The following CHCHD4 variants were observed in gnomAD, a reference collection of about 807,000 sequenced individuals.
CHCHD4 encodes the protein coiled-coil-helix-coiled-coil-helix domain containing 4.
In CHCHD4, 7 loss-of-function variants were observed where a neutral mutation model predicts 12.4. The observed-to-expected ratio is 0.57, with a 90% CI of 0.32 to 1.06. The LOEUF (loss-of-function observed/expected upper bound fraction) is 1.06. Ranked by LOEUF, CHCHD4 falls within the 50% of genes least tolerant of loss-of-function variation. CHCHD4 has a pLI of 0.04. For synonymous variants in CHCHD4, 56 were observed against 58.0 expected (o/e 0.97, Z 0.16); for missense variants, 143 against 175.1 (o/e 0.82, Z 1.03).
In CHCHD4 at chr3:14,116,540, C is replaced by G; in HGVS notation, c.23-16G>C. On this transcript the variant is annotated splice_polypyrimidine_tract_variant and intron_variant, in intron 1 of 2. Transcript: ENST00000396914. ...CGATCCTTCCCTAGTGTTTGGAGAA[C>G]AGAGGAAGAAATATTTCATTCAAGA... 1 of 1,559,774 alleles carries G rather than the reference C, an allele frequency of 6.4e-7. No homozygotes were observed. Among genetic ancestry groups the G allele is most frequent in the Non-Finnish European group, 8.9e-7 (1 of 1,129,932 alleles).
rs761678736 is a variant in CHCHD4 at position 14,112,899 on chromosome 3, C to T, written c.417G>A (p.Glu139=). ...CTTGTGGCCTTCATTAACTTGATCC[C>T]TCCTCTTCTTTGGTTGCAGTGGCCT... is the stretch of plus-strand genomic sequence containing the variant. ...PIEATATKEE[E]GSS Residue 139 remains glutamate (E), a synonymous_variant, in exon 3 of 3, where the codon GAG becomes GAA. Transcript: ENST00000396914. The T allele has an allele frequency of 1.2e-6, 2 of 1,612,072 alleles. No individual in the cohort carries two copies. The highest frequency in any genetic ancestry group is 2.2e-5 in the East Asian group (1 of 44,828).
In CHCHD4 at chr3:14,124,841, C is replaced by A. The variant is rs1256914608; in HGVS notation, c.-165G>T. On this transcript the variant is annotated 5_prime_UTR_variant, in exon 1 of 3. Transcript: ENST00000396914. The stretch of plus-strand genomic sequence containing the variant: ...CGCGCCTGCCTCGGCGCCCTCGCAA[C>A]CGCGGCCAGGCCAACCTCAGCCGGA... 1 of 812,236 alleles carries A rather than the reference C, an allele frequency of 1.2e-6. No individual in the cohort carries two copies. The highest frequency in any genetic ancestry group is 1.8e-5 in the South Asian group (1 of 55,414). 50.3% of individuals were successfully genotyped at this position (812,236 alleles called of 1,614,324 possible). A position where few individuals can be genotyped will look rare whatever the true frequency, so the allele number is the denominator to read the frequency against.
chr3:14,116,194 C>G (rs1041890667), intron 2 of CHCHD4, among the ~76,000 whole-genome samples: 2 of 152,208 alleles, frequency 1.3e-5, no homozygotes, highest in African/African-American at 4.8e-5. Flanking sequence ...TACTAATACC[C>G]TCTCCCAAAA....
At chr3:14,114,294 G>GCAGACC (rs1346274788) in intron 2 of CHCHD4, among the ~76,000 whole-genome samples, 2 of 152,060 alleles carry the variant, frequency 1.3e-5, no homozygotes, top group Admixed American at 6.6e-5. Flanking sequence ...CTTAGCAGGC[G>GCAGACC]CAGACCCCCA....
In CHCHD4 at chr3:14,116,536, A is replaced by T. The variant is rs776896327; in HGVS notation, c.23-12T>A. 24 of 1,570,126 alleles carry T rather than the reference A, an allele frequency of 1.5e-5. No homozygotes were observed. Among genetic ancestry groups the T allele is most frequent in the Middle Eastern group, 1.7e-4 (1 of 6,022 alleles). On this transcript the variant is annotated splice_polypyrimidine_tract_variant and intron_variant, in intron 1 of 2. Transcript: ENST00000396914. ...GATTCGATCCTTCCCTAGTGTTTGG[A>T]GAACAGAGGAAGAAATATTTCATTC...
chr3:14,121,013 G>C (rs113550284), intron 1 of CHCHD4, among the ~76,000 whole-genome samples: 4,870 of 152,186 alleles, frequency 0.032, 267 homozygotes, highest in African/African-American at 0.11. Context: ...GAGGCAGACT[G>C]GTGTGTCTGT....
intron 2 of CHCHD4, among the ~76,000 whole-genome samples, chr3:14,114,003 C>T (rs1287990248): frequency 6.6e-6 from 1 of 152,138 alleles, no homozygotes; most frequent in Non-Finnish European, 1.5e-5. Flanking sequence ...TTTGTGAAGA[C>T]ATGATTCATA....
intron 1 of CHCHD4, among the ~76,000 whole-genome samples, chr3:14,120,319 C>T (rs1694919804): frequency 1.3e-5 from 2 of 152,278 alleles, no homozygotes; most frequent in South Asian, 2.1e-4. Flanking sequence ...TCTTCAAATA[C>T]ATCCAGAAAG....
chr3:14,122,120 C>T (rs761008264), intron 1 of CHCHD4: 18 of 1,538,540 alleles, frequency 1.2e-5, no homozygotes, highest in African/African-American at 5.5e-5. Context: ...AAGTAGTGTT[C>T]GCTCACACGT....
At chr3:14,118,108 T>C (rs549785283) in intron 1 of CHCHD4, among the ~76,000 whole-genome samples, 4 of 152,354 alleles carry the variant, frequency 2.6e-5, no homozygotes, top group Admixed American at 1.3e-4. Context: ...CAACTGACCA[T>C]GCATTCTGAT....
intron 1 of CHCHD4, among the ~76,000 whole-genome samples, chr3:14,121,009 G>C (rs1043657496): frequency 1.3e-5 from 2 of 152,202 alleles, no homozygotes; most frequent in East Asian, 3.9e-4. Context: ...CTGGGAGGCA[G>C]ACTGGTGTGT....
intron 1 of CHCHD4, among the ~76,000 whole-genome samples, chr3:14,120,257 A>G (rs552595108): frequency 2.2e-4 from 33 of 152,032 alleles, no homozygotes; most frequent in African/African-American, 7.5e-4. Flanking sequence ...CGGTAGAGCC[A>G]CCCCAACCCG....
At chr3:14,122,756 AAAAT>A (rs972395836) in intron 1 of CHCHD4, among the ~76,000 whole-genome samples, 1 of 152,238 alleles carries the variant, frequency 6.6e-6, no homozygotes, top group African/African-American at 2.4e-5. Context: ...AAGATGGCAA[AAAAT>A]AAAAAAGGTC....
chr3:14,116,861 G>A (rs901211441), intron 1 of CHCHD4, among the ~76,000 whole-genome samples: 1 of 152,248 alleles, frequency 6.6e-6, no homozygotes, highest in Non-Finnish European at 1.5e-5. Flanking sequence ...AGCCCACATA[G>A]CTGATGCGGC....
In CHCHD4 at chr3:14,112,510, G is replaced by A. The variant is rs1483366119; in HGVS notation, c.*377C>T. 5.7e-6 allele frequency: 1 copy of A among 175,322 alleles called. No homozygotes were observed. The highest frequency in any genetic ancestry group is 1.5e-4 in the East Asian group (1 of 6,558). The allele number at this position is 175,322 out of a possible 1,614,324, so 10.9% of individuals were successfully genotyped here. A position where few individuals can be genotyped will look rare whatever the true frequency, so the allele number is the denominator to read the frequency against. On this transcript the variant is annotated 3_prime_UTR_variant, in exon 3 of 3. Coordinates refer to ENST00000396914, the MANE Select transcript of CHCHD4 (RefSeq NM_001098502.2). ...TGTTTTTGTTGTATTATTTCCCCAA[G>A]GGGTATAAAATCTACCAAAAGGAAT... is the stretch of plus-strand genomic sequence containing the variant.
In CHCHD4 at chr3:14,116,461, A is replaced by T; in HGVS notation, c.86T>A (p.Val29Glu). Residue 29 changes from valine (V) to glutamate (E), a missense_variant, in exon 2 of 3, where the codon GTG becomes GAG. Physicochemically the swap from Val to Glu is moderately radical, Grantham distance 121. Coordinates refer to ENST00000396914, the MANE Select transcript of CHCHD4 (RefSeq NM_001098502.2). ...GTATGGATCGTTGGGGTCATCAGCC[A>T]CCAATTCTGCACTGCTTGGAGTTTC... ...DHETPSSAEL[V>E]ADDPNDPYEE... 3 of 1,613,660 alleles carry T rather than the reference A, an allele frequency of 1.9e-6. No homozygotes were observed. Among genetic ancestry groups the T allele is most frequent in the Non-Finnish European group, 2.5e-6 (3 of 1,179,546 alleles).
Position 14,124,653 on chromosome 3 carries a change from A to G in CHCHD4, c.22+2T>C, listed in dbSNP as rs890144823. 3.3e-6 allele frequency: 5 copies of G among 1,519,624 alleles called. No homozygotes were observed. The highest frequency in any genetic ancestry group is 1.4e-5 in the African/African-American group (1 of 69,022). The allele number at this position is 1,519,624 out of a possible 1,614,324, so 94.1% of individuals were successfully genotyped here. On this transcript the variant is annotated splice_donor_variant, in intron 1 of 2. Transcript: ENST00000396914. LOFTEE classifies it high-confidence loss of function. ...GTCTCCGTGGCAGCCCGCCCTCCCTACCTTCCTGCCGGCAATAGGACATGG... is the reference window on the plus strand; with the variant it reads ...GTCTCCGTGGCAGCCCGCCCTCCCTGCCTTCCTGCCGGCAATAGGACATGG...
intron 1 of CHCHD4, among the ~76,000 whole-genome samples, chr3:14,123,893 T>TA (rs1407847686): frequency 2.0e-5 from 3 of 152,050 alleles, no homozygotes; most frequent in African/African-American, 4.8e-5. Flanking sequence ...CAGTAGGTGG[T>TA]CGGAGCTCAA....
At chr3:14,115,307 T>C (rs970281380) in intron 2 of CHCHD4, among the ~76,000 whole-genome samples, 5 of 139,556 alleles carry the variant, frequency 3.6e-5, no homozygotes, top group Non-Finnish European at 5.9e-5. Flanking sequence ...TGGTGGGATC[T>C]GGAGGGGGCA....
Sources: gnomAD v4.1 joint callset for allele counts (sites outside exome capture counted in the v4.1 genomes callset) on GRCh38, gnomAD v4.1.1 for gene constraint, MANE v1.5 for transcripts, NCBI Gene and HGNC (gene_info 2026-07-23, HGNC 2026-07-21) for gene names.